The following SYTL2 variants were observed in gnomAD, a reference collection of about 807,000 sequenced individuals.
SYTL2 encodes the protein synaptotagmin like 2.
Under a neutral mutation model 198.7 loss-of-function variants are expected in SYTL2, and 165 were observed. The ratio of observed to expected loss-of-function variants is 0.83; its 90% confidence interval spans 0.73 to 0.94. The LOEUF is 0.94. Among genes scored for constraint, SYTL2 ranks in the 40% least tolerant of loss-of-function variants. The probability of loss-of-function intolerance (pLI) is 0.00; values close to 1 mark genes in which losing one functional copy is unlikely to be tolerated. For synonymous variants in SYTL2, 966 were observed against 917.7 expected (o/e 1.05, Z -0.95); for missense variants, 2,835 against 2,582.8 (o/e 1.10, Z -2.12).
the SYTL2 span, chr11:85,853,330 G>C: frequency 6.7e-6 from 3 of 446,220 alleles, no homozygotes; most frequent in East Asian, 2.2e-4. Flanking sequence ...AGATTCTTCT[G>C]CCTTGGGATG....
Position 85,725,959 on chromosome 11 carries a change from A to G in SYTL2, c.3399T>C (p.Asn1133=). ...VLSKDCKDTF[N]DSLQKLLSET... is the part of the protein sequence containing the mutation. ...CTGAAAGCAGTTTCTGCAAGCTGTC[A>G]TTAAAAGTGTCTTTGCAGTCTTTAG... Residue 1133 remains asparagine, a synonymous_variant, in exon 8 of 20, where the codon AAT becomes AAC. Coordinates refer to ENST00000359152, the MANE Select transcript of SYTL2 (RefSeq NM_206927.4). 3 of 1,614,198 alleles carry G rather than the reference A, an allele frequency of 1.9e-6. No homozygotes were observed. Among genetic ancestry groups the G allele is most frequent in the Non-Finnish European group, 2.5e-6 (3 of 1,180,002 alleles).
At chr11:85,836,096 T>C in the SYTL2 span, among the ~76,000 whole-genome samples, 3 of 152,174 alleles carry the variant, frequency 2.0e-5, no homozygotes, top group African/African-American at 7.2e-5. Context: ...AGAGGTCCTT[T>C]GGTGCTAATA....
rs1213556260 is a variant in SYTL2, at chr11:85,727,240, A to G, written c.2118T>C (p.Asn706=). 2.6e-6 allele frequency: 4 copies of G among 1,535,642 alleles called. No homozygotes were observed. Among genetic ancestry groups the G allele is most frequent in the East Asian group, 4.9e-5 (2 of 40,890 alleles). The change falls in exon 8 of 20, where the codon AAT becomes AAC. Residue 706 remains asparagine, a synonymous_variant. Transcript: ENST00000359152. The stretch of plus-strand genomic sequence containing the variant: ...CAAAATTCACTTCTGAGTGTCCTCT[A>G]TTTTCTTCATGAGCATGAAACTTGG... The part of the protein sequence containing the change: ...EEPKFHAHEE[N]RGHSEVNFDS...
intron 1 of SYTL2, among the ~76,000 whole-genome samples, chr11:85,805,282 G>C (rs1013607417): frequency 6.6e-6 from 1 of 151,082 alleles, no homozygotes; most frequent in South Asian, 2.1e-4. Context: ...CTTGAGCCCA[G>C]GAGTTCAAGA....
intron 4 of SYTL2, among the ~76,000 whole-genome samples, chr11:85,741,017 C>T (rs1200743690): frequency 6.6e-6 from 1 of 152,126 alleles, no homozygotes; most frequent in East Asian, 1.9e-4. Flanking sequence ...TAACGTTCAC[C>T]AGCCTTTCTC....
At chr11:85,699,077 T>C (rs1329841483) in intron 17 of SYTL2, among the ~76,000 whole-genome samples, 1 of 152,228 alleles carries the variant, frequency 6.6e-6, no homozygotes, top group East Asian at 1.9e-4. Context: ...CATCATTAGA[T>C]ATACAGAGAA....
chr11:85,733,000 A>T (rs1001948271), intron 7 of SYTL2, among the ~76,000 whole-genome samples: 1 of 152,200 alleles, frequency 6.6e-6, no homozygotes, highest in Admixed American at 6.5e-5. Flanking sequence ...CCTTCAAGAC[A>T]AGGCTAGTTA....
chr11:85,798,678 T>C (rs1291018356), intron 1 of SYTL2, among the ~76,000 whole-genome samples: 1 of 152,000 alleles, frequency 6.6e-6, no homozygotes, highest in East Asian at 1.9e-4. Context: ...TAAAACTGGG[T>C]GGGAGCTCCC....
intron 1 of SYTL2, among the ~76,000 whole-genome samples, chr11:85,794,548 C>T (rs1435189177): frequency 2.0e-5 from 3 of 152,288 alleles, no homozygotes; most frequent in Middle Eastern, 3.4e-3. Context: ...ACAAAAGAGA[C>T]TTTCATATCA....
intron 1 of SYTL2, among the ~76,000 whole-genome samples, chr11:85,772,876 C>G (rs1187337569): frequency 6.6e-6 from 1 of 152,226 alleles, no homozygotes; most frequent in Non-Finnish European, 1.5e-5. Flanking sequence ...AGCCAAAGAG[C>G]ATTTCTTGCT....
the SYTL2 span, among the ~76,000 whole-genome samples, chr11:85,827,981 CTT>C: frequency 6.6e-6 from 1 of 152,196 alleles, no homozygotes; most frequent in Non-Finnish European, 1.5e-5. Context: ...AGTTTTCAGA[CTT>C]TATCTTAACC....
At position 85,734,245 on chromosome 11, in the gene SYTL2, A is replaced by T; in HGVS notation, c.1084T>A (p.Ser362Thr). ...REVGEFSVLE[S>T]DRLKNGMEDA... ...TCCATTCCATTTTTCAATCTGTCAG[A>T]TTCTAAAACACTAAATTCTCCTACT... The change falls in exon 7 of 20, where the codon TCT becomes ACT. Residue 362 changes from serine (S) to threonine (T), a missense_variant. This residue lies in a region of SYTL2 where 2,645 missense variants were observed against 2,381.7 expected (regional missense o/e 1.11). Coordinates refer to ENST00000359152, the MANE Select transcript of SYTL2 (RefSeq NM_206927.4). The T allele has an allele frequency of 1.2e-6, 2 of 1,614,180 alleles. No individual in the cohort carries two copies.
At chr11:85,765,049 CAT>C (rs1229766590) in intron 1 of SYTL2, among the ~76,000 whole-genome samples, 1 of 152,162 alleles carries the variant, frequency 6.6e-6, no homozygotes, top group Non-Finnish European at 1.5e-5. Flanking sequence ...TTAAAAAACA[CAT>C]AAATTACTCA....
chr11:85,761,455 A>G (rs2092094093), intron 1 of SYTL2, among the ~76,000 whole-genome samples: 1 of 152,242 alleles, frequency 6.6e-6, no homozygotes, highest in African/African-American at 2.4e-5. Context: ...GAATGCCCCC[A>G]GGAGAGCAGG....
At chr11:85,793,649 T>A (rs2153631842) in intron 1 of SYTL2, among the ~76,000 whole-genome samples, 1 of 152,334 alleles carries the variant, frequency 6.6e-6, no homozygotes, top group African/African-American at 2.4e-5. Context: ...AACCTGTCCT[T>A]AAAAATGAAG....
rs899814685 is a variant in SYTL2, at chr11:85,726,214, T to C, written c.3144A>G (p.Arg1048=). ...VLLSPKKVMA[R]EEMEKLNSKG... Reference sequence around the variant, plus strand: ...TTGAATTTAATTTCTCCATTTCCTCTCTTGCCATAACTTTTTTTGGGCTTA... The same window carrying C: ...TTGAATTTAATTTCTCCATTTCCTCCCTTGCCATAACTTTTTTTGGGCTTA... Residue 1048 remains arginine, a synonymous_variant, in exon 8 of 20, where the codon AGA becomes AGG. Transcript: ENST00000359152. 12 of 1,613,128 alleles carry C rather than the reference T, an allele frequency of 7.4e-6. No homozygotes were observed. Among genetic ancestry groups the C allele is most frequent in the Non-Finnish European group, 1.0e-5 (12 of 1,179,758 alleles).
intron 18 of SYTL2, among the ~76,000 whole-genome samples, chr11:85,697,715 C>T (rs1230799024): frequency 1.3e-5 from 2 of 152,208 alleles, no homozygotes; most frequent in Non-Finnish European, 2.9e-5. Flanking sequence ...TTATTGCCCT[C>T]ACCAACAGAT....
At chr11:85,792,991 G>T (rs894462797) in intron 1 of SYTL2, among the ~76,000 whole-genome samples, 1 of 151,842 alleles carries the variant, frequency 6.6e-6, no homozygotes, top group African/African-American at 2.4e-5. Context: ...GTATTCCATG[G>T]TGTATATGTG....
At chr11:85,722,738 A>C (rs2088544361) in intron 8 of SYTL2, among the ~76,000 whole-genome samples, 1 of 151,934 alleles carries the variant, frequency 6.6e-6, no homozygotes, top group African/African-American at 2.4e-5. Flanking sequence ...AAATAAATTT[A>C]GAGATTTAAT....
Sources: gnomAD v4.1 joint callset for allele counts (sites outside exome capture counted in the v4.1 genomes callset) on GRCh38, gnomAD v4.1.1 for gene constraint, gnomAD v4.1.1 regional missense constraint, MANE v1.5 for transcripts, NCBI Gene and HGNC (gene_info 2026-07-23, HGNC 2026-07-21) for gene names.